The following PDGFC variants were observed in gnomAD, a reference collection of about 807,000 sequenced individuals.
PDGFC encodes platelet derived growth factor C.
A neutral mutation model predicts 35.5 loss-of-function variants in PDGFC; 12 were observed. That is an observed-to-expected ratio of 0.34 (90% CI 0.22 to 0.55). The LOEUF is 0.55. Among genes scored for constraint, PDGFC ranks in the 20% least tolerant of loss-of-function variants. PDGFC has a pLI of 0.91. For synonymous variants in PDGFC, 159 were observed against 148.8 expected (o/e 1.07, Z -0.50); for missense variants, 322 against 412.4 (o/e 0.78, Z 1.90).
chr4:156,960,822 C>G (rs936024929), intron 1 of PDGFC, among the ~76,000 whole-genome samples: 1 of 152,030 alleles, frequency 6.6e-6, no homozygotes. Context: ...AATCCAAAGG[C>G]AAATCACACT....
rs116072903 is a variant in PDGFC at position 156,944,662 on chromosome 4, C to T, written c.118+26124G>A. 9.2e-3 allele frequency among the ~76,000 whole-genome samples: 1,404 copies of T among 152,180 alleles called. 18 individuals carry two copies. Among genetic ancestry groups the T allele is most frequent in the African/African-American group, 0.031 (1,273 of 41,532 alleles). ...GTGGCACCTTCAGGCTGGCGCCTGA[C>T]AATCCATCTCAACTCCCAATTTCCA... On this transcript the variant is annotated intron_variant, in intron 1 of 5. Transcript: ENST00000502773.
At chr4:156,854,100 T>C (rs983135389) in intron 1 of PDGFC, among the ~76,000 whole-genome samples, 1 of 152,232 alleles carries the variant, frequency 6.6e-6, no homozygotes, top group Admixed American at 6.5e-5. Context: ...ATAATCTACA[T>C]ATTTCAGAGG....
chr4:156,790,476 G>A (rs1731266065), intron 3 of PDGFC, among the ~76,000 whole-genome samples: 1 of 152,154 alleles, frequency 6.6e-6, no homozygotes, highest in Non-Finnish European at 1.5e-5. Context: ...TGGGAGGAAA[G>A]GAGATTGTGA....
chr4:156,956,471 G>A (rs1414696992), intron 1 of PDGFC, among the ~76,000 whole-genome samples: 2 of 151,990 alleles, frequency 1.3e-5, no homozygotes, highest in African/African-American at 2.4e-5. Flanking sequence ...ATCCAAGCTT[G>A]ACTAGAGTAG....
chr4:156,817,621 CCTCT>C (rs1461043735), intron 2 of PDGFC, among the ~76,000 whole-genome samples: 1 of 152,156 alleles, frequency 6.6e-6, no homozygotes, highest in Non-Finnish European at 1.5e-5. Context: ...ACCCTGTCTC[CCTCT>C]CTCTTTTAAG....
At chr4:156,766,491 G>A (rs1278138819) in intron 5 of PDGFC, among the ~76,000 whole-genome samples, 3 of 151,978 alleles carry the variant, frequency 2.0e-5, no homozygotes, top group Non-Finnish European at 2.9e-5. Flanking sequence ...GCAGCATCAG[G>A]TGCCATACAT....
chr4:156,834,238 C>T (rs1467490578), intron 2 of PDGFC, among the ~76,000 whole-genome samples: 1 of 152,136 alleles, frequency 6.6e-6, no homozygotes, highest in East Asian at 1.9e-4. Flanking sequence ...AGGAGTGTCA[C>T]AATTTGCAGC....
chr4:156,807,417 A>G (rs1731797281), intron 3 of PDGFC, among the ~76,000 whole-genome samples: 1 of 152,006 alleles, frequency 6.6e-6, no homozygotes, highest in South Asian at 2.1e-4. Context: ...GGAAATCCCA[A>G]TATTGTAAAG....
Position 156,767,766 on chromosome 4 carries a change from T to C in PDGFC, c.921+7A>G. On this transcript the variant is annotated splice_region_variant and intron_variant, in intron 5 of 5. Transcript: ENST00000502773. ...GAAGGAAACCAAAAAGAAAATTGTA[T>C]ACCTACCTCGTGGTATTTTTTAGTA... 4 of 1,577,722 alleles carry C rather than the reference T, an allele frequency of 2.5e-6. No individual in the cohort carries two copies. Among genetic ancestry groups the C allele is most frequent in the Middle Eastern group, 1.7e-4 (1 of 5,986 alleles).
intron 2 of PDGFC, among the ~76,000 whole-genome samples, chr4:156,822,356 C>CCA (rs767912190): frequency 1.1e-4 from 8 of 70,298 alleles, no homozygotes; most frequent in Non-Finnish European, 1.6e-4. Flanking sequence ...GAAACTGTCT[C>CCA]AAAAAAAAAA....
At chr4:156,887,626 A>G (rs550988716) in intron 1 of PDGFC, among the ~76,000 whole-genome samples, 2 of 152,342 alleles carry the variant, frequency 1.3e-5, no homozygotes, top group Admixed American at 6.5e-5. Context: ...ATATTAAACT[A>G]GTAGGAAAAA....
chr4:156,761,256 A>G lies in PDGFC; in HGVS notation c.*1834T>C, dbSNP rs1240661581. The G allele has an allele frequency of 6.6e-6, 1 of 152,238 alleles. No individual in the cohort carries two copies. The highest frequency in any genetic ancestry group is 1.5e-5 in the Non-Finnish European group (1 of 68,050). The allele number at this position is 152,238 out of a possible 1,614,324, so 9.4% of individuals were successfully genotyped here. On this transcript the variant is annotated 3_prime_UTR_variant, in exon 6 of 6. Coordinates refer to ENST00000502773, the MANE Select transcript of PDGFC (RefSeq NM_016205.3). ...GTACAATAATCCATGCACCAAATCAATTTATGCTCACCCCATTTAGTAGTT... is the reference window on the plus strand; with the variant it reads ...GTACAATAATCCATGCACCAAATCAGTTTATGCTCACCCCATTTAGTAGTT...
intron 3 of PDGFC, among the ~76,000 whole-genome samples, chr4:156,800,163 T>A (rs1731560746): frequency 6.6e-6 from 1 of 152,144 alleles, no homozygotes; most frequent in African/African-American, 2.4e-5. Flanking sequence ...AATATGGGGA[T>A]TAAATAATAT....
chr4:156,770,850 G>A (rs1001924800), intron 4 of PDGFC, among the ~76,000 whole-genome samples: 1 of 152,124 alleles, frequency 6.6e-6, no homozygotes, highest in Admixed American at 6.6e-5. Flanking sequence ...TGTAATCTGA[G>A]GGTGGTCTTT....
intron 1 of PDGFC, among the ~76,000 whole-genome samples, chr4:156,863,748 C>T (rs1729771019): frequency 6.6e-6 from 1 of 151,986 alleles, no homozygotes; most frequent in African/African-American, 2.4e-5. Context: ...ATTTGATACT[C>T]TTAAAAAGTG....
chr4:156,826,173 G>GATTTTTTTTT (rs1732467949), intron 2 of PDGFC, among the ~76,000 whole-genome samples: 1 of 75,960 alleles, frequency 1.3e-5, no homozygotes, highest in African/African-American at 5.1e-5. Flanking sequence ...CTTTGAGTTG[G>GATTTTTTTTT]ATTTTTTTTT....
intron 2 of PDGFC, among the ~76,000 whole-genome samples, chr4:156,815,621 T>C (rs1732067007): frequency 6.6e-6 from 1 of 152,064 alleles, no homozygotes; most frequent in African/African-American, 2.4e-5. Context: ...CTGTGGGCCA[T>C]AGCCAAATGA....
intron 2 of PDGFC, among the ~76,000 whole-genome samples, chr4:156,825,587 TAATAATAAGAAGAAGAAGAAGAAG>T (rs1196350599): frequency 0.021 from 1,786 of 86,992 alleles, 32 homozygotes; most frequent in Middle Eastern, 0.026. Flanking sequence ...ATAATAATAA[TAATAATAAGAAGAAGAAGAAGAAG>T]AAGAAGAAGA....
At chr4:156,893,738 T>C (rs1225199291) in intron 1 of PDGFC, among the ~76,000 whole-genome samples, 1 of 152,110 alleles carries the variant, frequency 6.6e-6, no homozygotes, top group East Asian at 1.9e-4. Flanking sequence ...TATGCTTCAT[T>C]GACCAGCAAT....
Sources: allele counts gnomAD v4.1 joint callset (sites outside exome capture counted in the v4.1 genomes callset), GRCh38; gene constraint gnomAD v4.1.1; transcripts MANE v1.5; gene names NCBI Gene and HGNC (gene_info 2026-07-23, HGNC 2026-07-21).